The following MREG variants were observed in gnomAD, a reference collection of about 807,000 sequenced individuals.
The protein encoded by MREG is melanoregulin.
In MREG, 31 loss-of-function variants were observed where a neutral mutation model predicts 28.5. That is an observed-to-expected ratio of 1.09 (90% CI 0.82 to 1.47). The LOEUF (loss-of-function observed/expected upper bound fraction) is 1.47. MREG is among the 40% of genes most tolerant of loss of function. The probability of loss-of-function intolerance (pLI) is 0.00; values close to 1 mark genes in which losing one functional copy is unlikely to be tolerated. For missense variants in MREG, 256 were observed against 257.4 expected (o/e 0.99, Z 0.04); for synonymous variants, 106 against 95.2 (o/e 1.11, Z -0.66).
chr2:215,969,830 A>G (rs1693040844), intron 2 of MREG, among the ~76,000 whole-genome samples: 2 of 152,124 alleles, frequency 1.3e-5, no homozygotes, highest in East Asian at 3.9e-4. Flanking sequence ...AGTTAAAGCT[A>G]GGCCTACTTA....
At chr2:215,981,128 C>G (rs1693418310) in intron 2 of MREG, among the ~76,000 whole-genome samples, 1 of 152,094 alleles carries the variant, frequency 6.6e-6, no homozygotes, top group African/African-American at 2.4e-5. Context: ...ATAAATTACT[C>G]TATGATCCAA....
chr2:215,984,866 C>T (rs578180489), intron 2 of MREG, among the ~76,000 whole-genome samples: 51 of 152,370 alleles, frequency 3.3e-4, no homozygotes, highest in African/African-American at 1.2e-3. Context: ...CTTTCGTACT[C>T]ATTGGCACCA....
intron 2 of MREG, among the ~76,000 whole-genome samples, chr2:215,947,318 G>A (rs559803140): frequency 6.6e-6 from 1 of 152,170 alleles, no homozygotes; most frequent in Non-Finnish European, 1.5e-5. Flanking sequence ...TCTGCACCAG[G>A]TGATATGGCA....
chr2:216,001,047 C>G lies in MREG; in HGVS notation c.96-4582G>C, dbSNP rs189022894. ...CTGTCTCTCTTTCCTGTCTCTTGCT[C>G]TCTCTCACTATCACTTCTTTTCCTC... On this transcript the variant is annotated intron_variant, in intron 1 of 4. Coordinates refer to ENST00000263268, the MANE Select transcript of MREG (RefSeq NM_018000.3). Among the ~76,000 whole-genome samples the G allele has an allele frequency of 1.8e-3, 281 of 152,208 alleles. 3 individuals are homozygous for G. Among genetic ancestry groups the G allele is most frequent in the African/African-American group, 6.5e-3 (269 of 41,540 alleles).
At chr2:216,018,857 A>G (rs536832306) in intron 1 of MREG, among the ~76,000 whole-genome samples, 1 of 152,358 alleles carries the variant, frequency 6.6e-6, no homozygotes, top group East Asian at 1.9e-4. Context: ...ATAACAATGA[A>G]GGTACCTTCC....
rs930815943 is a variant in MREG, at chr2:215,943,550, C to A, written c.*1313G>T. The A allele has an allele frequency of 1.3e-5, 6 of 455,490 alleles. No individual in the cohort carries two copies. The highest frequency in any genetic ancestry group is 2.7e-5 in the Non-Finnish European group (6 of 226,236). The allele number at this position is 455,490 out of a possible 1,614,324, so 28.2% of individuals were successfully genotyped here. On this transcript the variant is annotated 3_prime_UTR_variant, in exon 5 of 5. Coordinates refer to ENST00000263268, the MANE Select transcript of MREG (RefSeq NM_018000.3). ...TACAGATGCTATTCCAGATAAAATGCCAAGGGCTTGGCCGGGCGCGGTGAC... is the reference window on the plus strand; with the variant it reads ...TACAGATGCTATTCCAGATAAAATGACAAGGGCTTGGCCGGGCGCGGTGAC...
chr2:215,976,244 T>C (rs187413371), intron 2 of MREG, among the ~76,000 whole-genome samples: 32 of 152,368 alleles, frequency 2.1e-4, no homozygotes, highest in Admixed American at 1.6e-3. Context: ...TTCTATCCCA[T>C]GCATCTTGCC....
chr2:216,004,877 T>C (rs1307976323), intron 1 of MREG, among the ~76,000 whole-genome samples: 1 of 152,064 alleles, frequency 6.6e-6, no homozygotes, highest in Non-Finnish European at 1.5e-5. Flanking sequence ...AAGAGAGTGG[T>C]CAGGGTAGAA....
intron 2 of MREG, among the ~76,000 whole-genome samples, chr2:215,953,245 C>T (rs908847454): frequency 6.6e-6 from 1 of 152,176 alleles, no homozygotes; most frequent in Non-Finnish European, 1.5e-5. Context: ...TCAGACTTTC[C>T]CTTGCAGAAC....
chr2:216,028,299 A>ATCGT (rs1694627099), intron 1 of MREG, among the ~76,000 whole-genome samples: 1 of 152,054 alleles, frequency 6.6e-6, no homozygotes, highest in Admixed American at 6.6e-5. Flanking sequence ...ATGGATCACG[A>ATCGT]GGTCAGGAGA....
intron 1 of MREG, among the ~76,000 whole-genome samples, chr2:216,003,904 C>A (rs931480426): frequency 5.3e-5 from 8 of 152,326 alleles, no homozygotes; most frequent in African/African-American, 1.9e-4. Flanking sequence ...CCAGTTATTT[C>A]TTTCTATTCT....
intron 2 of MREG, among the ~76,000 whole-genome samples, chr2:215,972,397 C>G (rs1466739550): frequency 6.6e-5 from 10 of 152,106 alleles, no homozygotes; most frequent in Admixed American, 6.5e-4. Flanking sequence ...AATCCCAGCA[C>G]TTTGGGAGGC....
intron 2 of MREG, among the ~76,000 whole-genome samples, chr2:215,949,078 C>CTAATAATAA (rs1491318499): frequency 8.2e-4 from 73 of 88,948 alleles, no homozygotes; most frequent in East Asian, 3.0e-3. Context: ...ACTACTACTA[C>CTAATAATAA]TACTACTACT....
intron 1 of MREG, among the ~76,000 whole-genome samples, chr2:216,009,458 C>T (rs1334493515): frequency 1.3e-5 from 2 of 151,990 alleles, no homozygotes; most frequent in African/African-American, 2.4e-5. Context: ...ATGACATTTA[C>T]ACCACAGCCA....
intron 1 of MREG, among the ~76,000 whole-genome samples, chr2:216,030,568 G>A (rs1379629184): frequency 6.6e-6 from 1 of 151,732 alleles, no homozygotes; most frequent in Admixed American, 6.6e-5. Context: ...TTTTGAGACG[G>A]GGTCTCGCCC....
At chr2:215,996,647 C>G (rs1693882657) in intron 1 of MREG, among the ~76,000 whole-genome samples, 182 bp from the exon 2 acceptor site, 1 of 151,962 alleles carries the variant, frequency 6.6e-6, no homozygotes, top group South Asian at 2.1e-4. Flanking sequence ...AAAAACAAAC[C>G]AAAAATATAA....
At chr2:216,031,520 G>A (rs57711032) in intron 1 of MREG, among the ~76,000 whole-genome samples, 15 of 138,438 alleles carry the variant, frequency 1.1e-4, no homozygotes, top group Admixed American at 1.5e-4. Flanking sequence ...AGGAAGGAAG[G>A]GAAAAGAAAA....
upstream of MREG, among the ~76,000 whole-genome samples, chr2:216,018,073 G>A (rs867558947): frequency 6.6e-6 from 1 of 151,930 alleles, no homozygotes; most frequent in Non-Finnish European, 1.5e-5. Context: ...TGAGGCAGGA[G>A]AATCACTTGA....
At chr2:215,940,378 C>T (rs1051595833), downstream of MREG, among the ~76,000 whole-genome samples, 2 of 152,128 alleles carry the variant, frequency 1.3e-5, no homozygotes, top group Non-Finnish European at 2.9e-5. Flanking sequence ...AGAAAGTGAT[C>T]CGAGGAAATG....
Sources: gnomAD v4.1 joint callset for allele counts (sites outside exome capture counted in the v4.1 genomes callset) on GRCh38, gnomAD v4.1.1 for gene constraint, MANE v1.5 for transcripts, NCBI Gene and HGNC (gene_info 2026-07-23, HGNC 2026-07-21) for gene names.